The following MYO5A variants were observed in gnomAD, a reference collection of about 807,000 sequenced individuals.
MYO5A encodes the protein unconventional myosin-Va.
A neutral mutation model predicts 249.7 loss-of-function variants in MYO5A; 98 were observed. The ratio of observed to expected loss-of-function variants is 0.39; its 90% CI spans 0.33 to 0.46. The LOEUF (loss-of-function observed/expected upper bound fraction) is 0.46. Ranked by LOEUF, MYO5A falls within the 20% of genes least tolerant of loss-of-function variation. The pLI is 0.98. For synonymous variants in MYO5A, 778 were observed against 810.6 expected, an observed-to-expected ratio of 0.96 and a Z score of 0.68; for missense variants, 1,696 against 2,308.8, an observed-to-expected ratio of 0.73 and a Z score of 5.44.
intron 3 of MYO5A, 78 bp downstream of exon 3, chr15:52,428,320 C>T: frequency 1.4e-6 from 2 of 1,436,462 alleles, no homozygotes; most frequent in South Asian, 1.1e-5. Flanking sequence ...GCCTGCTTTC[C>T]CCATGTACAA....
At chr15:52,464,644 T>C (rs1046231754) in intron 1 of MYO5A, among the ~76,000 whole-genome samples, 3 of 152,156 alleles carry the variant, frequency 2.0e-5, no homozygotes, top group African/African-American at 7.2e-5. Context: ...TGAAAGTGCT[T>C]AGCATAGTGT....
At chr15:52,517,732 T>C (rs1410403412) in intron 1 of MYO5A, among the ~76,000 whole-genome samples, 1 of 152,164 alleles carries the variant, frequency 6.6e-6, no homozygotes, top group Non-Finnish European at 1.5e-5. Flanking sequence ...TATACAGATA[T>C]ATTTTTTCAA....
At chr15:52,319,372 A>T in intron 38 of MYO5A, 30 bp from the exon 39 acceptor site, 1 of 1,608,858 alleles carries the variant, frequency 6.2e-7, no homozygotes, top group Non-Finnish European at 8.5e-7. Flanking sequence ...GTTAGAGGAG[A>T]TGATGTGGAA....
At chr15:52,521,381 T>C (rs1189173618) in intron 1 of MYO5A, among the ~76,000 whole-genome samples, 3 of 152,186 alleles carry the variant, frequency 2.0e-5, no homozygotes, top group African/African-American at 7.2e-5. Flanking sequence ...TGTACATTTG[T>C]CAAGAAGTAG....
chr15:52,384,160 C>A lies in MYO5A; in HGVS notation c.1914+1G>T. The A allele has an allele frequency of 6.2e-7, 1 of 1,614,128 alleles. No homozygotes were observed. Among genetic ancestry groups the A allele is most frequent in the Non-Finnish European group, 8.5e-7 (1 of 1,180,000 alleles). On this transcript the variant is annotated splice_donor_variant, in intron 15 of 41. Transcript: ENST00000399233. LOFTEE classifies it high-confidence loss of function. ...TGGCAGCGGCAGCTCCCTGAACTCACCTGATGCCCCACTGTTTTCTTGTGC... is the reference window on the plus strand; with the variant it reads ...TGGCAGCGGCAGCTCCCTGAACTCAACTGATGCCCCACTGTTTTCTTGTGC...
intron 37 of MYO5A, 62 bp downstream of exon 37, chr15:52,323,293 T>A (rs1336820755): frequency 6.8e-7 from 1 of 1,462,918 alleles, no homozygotes; most frequent in Non-Finnish European, 9.6e-7. Flanking sequence ...GCTTTTACAT[T>A]TTTTCCTTAA....
At chr15:52,439,399 A>C (rs990993620) in intron 1 of MYO5A, among the ~76,000 whole-genome samples, 7 of 152,228 alleles carry the variant, frequency 4.6e-5, no homozygotes, top group Non-Finnish European at 7.3e-5. Flanking sequence ...GAGTCTCTCA[A>C]ACATCTCACT....
intron 1 of MYO5A, among the ~76,000 whole-genome samples, chr15:52,446,032 G>A (rs7174430): frequency 6.6e-6 from 1 of 152,244 alleles, no homozygotes; most frequent in African/African-American, 2.4e-5. Flanking sequence ...ATCCAAGCAG[G>A]CTGTGGAGCA....
At chr15:52,441,311 G>A (rs1372169131) in intron 1 of MYO5A, among the ~76,000 whole-genome samples, 2 of 152,014 alleles carry the variant, frequency 1.3e-5, no homozygotes, top group East Asian at 3.9e-4. Context: ...CATACAAGAG[G>A]ATGTGTGTGT....
intron 4 of MYO5A, among the ~76,000 whole-genome samples, chr15:52,418,832 T>C (rs1341473622): frequency 1.3e-5 from 2 of 152,180 alleles, no homozygotes; most frequent in African/African-American, 2.4e-5. Flanking sequence ...AGTGACCTTA[T>C]ATCTATTTGG....
At chr15:52,404,632 G>A (rs2042915221) in intron 9 of MYO5A, among the ~76,000 whole-genome samples, 2 of 152,300 alleles carry the variant, frequency 1.3e-5, no homozygotes, top group African/African-American at 4.8e-5. Context: ...ATAAAGGAAA[G>A]CAGAAGGGTG....
chr15:52,352,070 T>C (rs963295899), intron 27 of MYO5A, among the ~76,000 whole-genome samples: 19 of 152,274 alleles, frequency 1.2e-4, no homozygotes, highest in African/African-American at 4.6e-4. Context: ...ACTTCTTTTC[T>C]GTGTGACGCA....
At position 52,309,652 on chromosome 15, in the gene MYO5A, G is replaced by A. The variant is rs1455610018; in HGVS notation, c.*4044C>T. ...AGCGACCCCACCTACCGTCCATGCT[G>A]CTGTGAGGATGAAACGAGGTAACAG... On this transcript the variant is annotated 3_prime_UTR_variant, in exon 42 of 42. Coordinates refer to ENST00000399233, the MANE Select transcript of MYO5A (RefSeq NM_001382347.1). The A allele has an allele frequency of 4.6e-5, 7 of 152,240 alleles. No homozygotes were observed. The highest frequency in any genetic ancestry group is 1.7e-4 in the African/African-American group (7 of 41,446). 9.4% of individuals were successfully genotyped at this position (152,240 alleles called of 1,614,324 possible).
intron 4 of MYO5A, 96 bp downstream of exon 4, chr15:52,425,734 A>C: frequency 7.3e-7 from 1 of 1,362,390 alleles, no homozygotes; most frequent in South Asian, 1.2e-5. Flanking sequence ...AATTATTTAC[A>C]AGGTTGCCAT....
intron 1 of MYO5A, among the ~76,000 whole-genome samples, chr15:52,452,939 C>T (rs958068544): frequency 1.3e-5 from 2 of 151,322 alleles, no homozygotes; most frequent in Non-Finnish European, 2.9e-5. Context: ...CCCTAAAAGA[C>T]TAAACCTAAG....
intron 1 of MYO5A, among the ~76,000 whole-genome samples, chr15:52,511,503 A>G (rs1270856340): frequency 6.6e-6 from 1 of 152,202 alleles, no homozygotes; most frequent in African/African-American, 2.4e-5. Flanking sequence ...CTGAGCAATG[A>G]GGCTATCATT....
rs139637488 is a variant in MYO5A, at chr15:52,320,410, G to A, written c.4951+949C>T. 2.8e-4 allele frequency among the ~76,000 whole-genome samples: 43 copies of A among 152,276 alleles called. No individual in the cohort carries two copies. In the East Asian group the frequency reaches 6.4e-3, roughly 23 times the overall value. ...ATTTAGATTGGGGCTTCTTTGAGGCGAACTTCTTATTCAGCCAATAGAAAC... is the reference window on the plus strand; with the variant it reads ...ATTTAGATTGGGGCTTCTTTGAGGCAAACTTCTTATTCAGCCAATAGAAAC... On this transcript the variant is annotated intron_variant, in intron 38 of 41. Transcript: ENST00000399233.
At chr15:52,396,505 T>C (rs900699655) in intron 10 of MYO5A, 108 bp from the exon 11 acceptor site, 11 of 682,142 alleles carry the variant, frequency 1.6e-5, no homozygotes, top group Non-Finnish European at 2.6e-5. Flanking sequence ...TTCCCCAACA[T>C]TGTAAAACTT....
At chr15:52,324,786 A>G (rs940403506) in intron 36 of MYO5A, among the ~76,000 whole-genome samples, 8 of 152,128 alleles carry the variant, frequency 5.3e-5, no homozygotes, top group African/African-American at 1.9e-4. Context: ...AAAGTACAAA[A>G]CGCCCTTAAA....
Sources: gnomAD v4.1 joint callset for allele counts (sites outside exome capture counted in the v4.1 genomes callset) on GRCh38, gnomAD v4.1.1 for gene constraint, MANE v1.5 for transcripts, NCBI Gene and HGNC (gene_info 2026-07-23, HGNC 2026-07-21) for gene names.